Variants in EZH2 observed in about 807,000 individuals in gnomAD.
The protein encoded by EZH2 is histone-lysine N-methyltransferase EZH2.
In EZH2, 18 loss-of-function variants were observed where a neutral mutation model predicts 98.4. The observed-to-expected ratio is 0.18, with a 90% CI of 0.13 to 0.27. EZH2 has a LOEUF of 0.27. Among genes scored for constraint, EZH2 ranks in the 10% least tolerant of loss-of-function variants. The pLI, the probability that EZH2 is intolerant of heterozygous loss-of-function variation, is 1.00. For missense variants in EZH2, 470 were observed against 935.1 expected, an observed-to-expected ratio of 0.50 and a Z score of 6.49; for synonymous variants, 338 against 312.3, an observed-to-expected ratio of 1.08 and a Z score of -0.87.
intron 1 of EZH2, among the ~76,000 whole-genome samples, chr7:148,877,293 G>A (rs1419386848): frequency 5.3e-5 from 8 of 152,182 alleles, no homozygotes; most frequent in South Asian, 2.1e-4. Flanking sequence ...AGTTTAAAGC[G>A]AACACATTTA....
At chr7:148,863,454 A>C (rs1207543594) in intron 1 of EZH2, among the ~76,000 whole-genome samples, 2 of 152,154 alleles carry the variant, frequency 1.3e-5, no homozygotes, top group Admixed American at 6.5e-5. Context: ...AATTCGTTTA[A>C]ACAAATTGCC....
At chr7:148,868,717 A>T (rs1269347421) in intron 1 of EZH2, among the ~76,000 whole-genome samples, 2 of 152,164 alleles carry the variant, frequency 1.3e-5, no homozygotes, top group African/African-American at 4.8e-5. Flanking sequence ...TTTTTTTGGT[A>T]GTCTAGATTT....
chr7:148,847,269 C>G lies in EZH2; in HGVS notation c.30G>C (p.Lys10Asn), dbSNP rs764649740. The G allele has an allele frequency of 2.5e-6, 4 of 1,613,970 alleles. No homozygotes were observed. The highest frequency in any genetic ancestry group is 1.7e-5 in the Admixed American group (1 of 59,988). ...CACGCTTCCGCCAACAAACTGGTCC[C>G]TTCTCAGATTTCTTCCCAGTCTGGC... MGQTGKKSEKGPVCWRKRVK... is the reference protein window; with the variant it reads MGQTGKKSENGPVCWRKRVK... The change falls in exon 2 of 20, where the codon AAG becomes AAC. Residue 10 changes from lysine (K) to asparagine (N), a missense_variant. Around this residue, in one of 6 missense-constraint regions of EZH2, gnomAD observed 79 missense variants for 122.1 expected, o/e 0.65. Transcript: ENST00000320356.
intron 3 of EZH2, among the ~76,000 whole-genome samples, chr7:148,833,530 CT>C (rs1053862527): frequency 6.6e-6 from 1 of 151,854 alleles, no homozygotes; most frequent in African/African-American, 2.4e-5. Flanking sequence ...CCTTATCTTC[CT>C]TTTTTAAAAT....
intron 1 of EZH2, among the ~76,000 whole-genome samples, chr7:148,870,393 G>A (rs894569388): frequency 1.3e-5 from 2 of 151,984 alleles, no homozygotes; most frequent in African/African-American, 2.4e-5. Flanking sequence ...CCTATCATCA[G>A]CATACTGTTT....
chr7:148,836,926 G>C (rs1209538167), intron 3 of EZH2: 1 of 512,800 alleles, frequency 2.0e-6, no homozygotes, highest in Admixed American at 2.3e-5. Flanking sequence ...ACCAAACTGA[G>C]ACTCTTGGCA....
intron 6 of EZH2, among the ~76,000 whole-genome samples, chr7:148,827,472 G>T (rs1808053548): frequency 6.6e-6 from 1 of 152,078 alleles, no homozygotes; most frequent in African/African-American, 2.4e-5. Context: ...AATATGAAAA[G>T]CTTTAAGAGC....
intron 3 of EZH2, among the ~76,000 whole-genome samples, chr7:148,839,332 C>A (rs1811815536): frequency 6.6e-6 from 1 of 152,038 alleles, no homozygotes; most frequent in South Asian, 2.1e-4. Flanking sequence ...AATCCCCTAC[C>A]CATTCTTTAC....
At chr7:148,873,557 ATTTTTTTTTTT>A (rs58553084) in intron 1 of EZH2, among the ~76,000 whole-genome samples, 19 of 79,952 alleles carry the variant, frequency 2.4e-4, no homozygotes, top group African/African-American at 5.5e-4. Flanking sequence ...CATGCTCTTC[ATTTTTTTTTTT>A]TTTTTTTTTT....
intron 1 of EZH2, among the ~76,000 whole-genome samples, chr7:148,861,608 A>G (rs1817675259): frequency 6.6e-6 from 1 of 152,102 alleles, no homozygotes; most frequent in African/African-American, 2.4e-5. Context: ...ACCTGAAAAT[A>G]TGGAGGGCCA....
At chr7:148,808,394 T>G (rs544050574) in intron 19 of EZH2, among the ~76,000 whole-genome samples, 4 of 152,362 alleles carry the variant, frequency 2.6e-5, no homozygotes, top group African/African-American at 9.6e-5. Flanking sequence ...CAAAGACAGC[T>G]TCTGGATGGG....
intron 15 of EZH2, among the ~76,000 whole-genome samples, chr7:148,812,877 C>G (rs992904768): frequency 1.3e-5 from 2 of 152,220 alleles, no homozygotes; most frequent in Admixed American, 1.3e-4. Flanking sequence ...CCACCCTGCA[C>G]AACTCTCTGC....
At chr7:148,808,761 G>A (rs563732884) in intron 19 of EZH2, among the ~76,000 whole-genome samples, 3 of 152,254 alleles carry the variant, frequency 2.0e-5, no homozygotes, top group Non-Finnish European at 4.4e-5. Context: ...TCTGGAAAAC[G>A]CTCCACGAGT....
rs1294002541 is a variant in EZH2 at position 148,839,088 on chromosome 7, G to GGAAGGAAGGAAA, written c.247-6339_247-6338insTTTCCTTCCTTC. On this transcript the variant is annotated intron_variant, in intron 3 of 19. Coordinates refer to ENST00000320356, the MANE Select transcript of EZH2 (RefSeq NM_004456.5). ...AGGAAGGAAGGAAGGAAGGAAGGAAGGAAGGAAGGAAGGAAGGAAAGTGAG... is the reference window on the plus strand; with the variant it reads ...AGGAAGGAAGGAAGGAAGGAAGGAAGGAAGGAAGGAAAGAAGGAAGGAAGGAAGGAAAGTGAG... Among the ~76,000 whole-genome samples the GGAAGGAAGGAAA allele has an allele frequency of 9.4e-4, 132 of 140,886 alleles. 3 individuals are homozygous for GGAAGGAAGGAAA. The highest frequency in any genetic ancestry group is 3.6e-3 in the African/African-American group (127 of 35,026). 92.4% of individuals were successfully genotyped at this position (140,886 alleles called of 152,430 possible). A position where few individuals can be genotyped will look rare whatever the true frequency, so the allele number is the denominator to read the frequency against.
At chr7:148,825,259 T>C (rs1807362975) in intron 8 of EZH2, among the ~76,000 whole-genome samples, 1 of 152,180 alleles carries the variant, frequency 6.6e-6, no homozygotes, top group Non-Finnish European at 1.5e-5. Flanking sequence ...AAGACAACTA[T>C]TTCAAGGGCT....
chr7:148,846,258 T>G (rs1813992755), intron 3 of EZH2, among the ~76,000 whole-genome samples: 1 of 152,154 alleles, frequency 6.6e-6, no homozygotes, highest in Admixed American at 6.5e-5. Flanking sequence ...TCTACCTAGT[T>G]CAAAGTATAT....
At chr7:148,884,010 C>A (rs1821433147) in intron 1 of EZH2, 154 bp downstream of exon 1, 1 of 152,118 alleles carries the variant, frequency 6.6e-6, no homozygotes, top group Admixed American at 6.5e-5. Flanking sequence ...ACCCTCCACC[C>A]CCCGCACGCC....
intron 15 of EZH2, among the ~76,000 whole-genome samples, chr7:148,813,070 C>A (rs1803579517): frequency 6.6e-6 from 1 of 152,040 alleles, no homozygotes; most frequent in Non-Finnish European, 1.5e-5. Flanking sequence ...CACACACACA[C>A]ACACACACAC....
chr7:148,873,557 A>ATTTTTTTTTTTTTTTT (rs58553084), intron 1 of EZH2, among the ~76,000 whole-genome samples: 1 of 79,936 alleles, frequency 1.3e-5, no homozygotes, highest in African/African-American at 5.0e-5. Flanking sequence ...CATGCTCTTC[A>ATTTTTTTTTTTTTTTT]TTTTTTTTTT....
Sources: allele counts gnomAD v4.1 joint callset (sites outside exome capture counted in the v4.1 genomes callset), GRCh38; gene constraint gnomAD v4.1.1; regional missense constraint gnomAD v4.1.1; transcripts MANE v1.5; gene names NCBI Gene and HGNC (gene_info 2026-07-23, HGNC 2026-07-21).